BRINP3: variants seen among roughly 807,000 people sequenced by gnomAD.
The protein encoded by BRINP3 is BMP/retinoic acid inducible neural specific 3.
A neutral mutation model predicts 71.0 loss-of-function variants in BRINP3; 19 were observed. The observed-to-expected ratio is 0.27, with a 90% CI of 0.19 to 0.39. BRINP3 has a LOEUF of 0.39. Among genes scored for constraint, BRINP3 ranks in the 10% least tolerant of loss-of-function variants. BRINP3 has a pLI of 1.00. For missense variants in BRINP3, 959 were observed against 940.8 expected (o/e 1.02, Z -0.25); for synonymous variants, 380 against 337.7 (o/e 1.13, Z -1.37).
intron 6 of BRINP3, among the ~76,000 whole-genome samples, chr1:190,173,208 T>C (rs1437386162): frequency 6.6e-6 from 1 of 152,206 alleles, no homozygotes. Context: ...ACACTGATTC[T>C]GTTGTGGATA....
intron 6 of BRINP3, among the ~76,000 whole-genome samples, chr1:190,192,737 C>G (rs1654151590): frequency 6.6e-6 from 1 of 151,866 alleles, no homozygotes; most frequent in African/African-American, 2.4e-5. Flanking sequence ...ACTGTGACAA[C>G]AGGATAAATA....
intron 4 of BRINP3, among the ~76,000 whole-genome samples, chr1:190,262,924 T>C (rs1661316904): frequency 1.3e-5 from 2 of 152,126 alleles, no homozygotes; most frequent in Non-Finnish European, 1.5e-5. Flanking sequence ...TATATATATA[T>C]TTCTTTTTTT....
chr1:190,403,392 T>G (rs1345781803), intron 2 of BRINP3, among the ~76,000 whole-genome samples: 2 of 152,226 alleles, frequency 1.3e-5, no homozygotes, highest in Non-Finnish European at 2.9e-5. Flanking sequence ...TGAAGCAGTT[T>G]GCATAGCCTC....
At chr1:190,273,567 T>C (rs1358466443) in intron 3 of BRINP3, among the ~76,000 whole-genome samples, 1 of 151,434 alleles carries the variant, frequency 6.6e-6, no homozygotes, top group Non-Finnish European at 1.5e-5. Context: ...CAGGGGACAA[T>C]AAAACAAACA....
At position 190,269,151 on chromosome 1, in the gene BRINP3, C is replaced by A. The variant is rs369230882; in HGVS notation, c.428-4096G>T. On this transcript the variant is annotated intron_variant, in intron 3 of 7. Coordinates refer to ENST00000367462, the MANE Select transcript of BRINP3 (RefSeq NM_199051.3). ...AACAGGAAAAATATCCATAAAATAACAAGTACATGTGGAAACTTCGCATGT... is the reference window on the plus strand; with the variant it reads ...AACAGGAAAAATATCCATAAAATAAAAAGTACATGTGGAAACTTCGCATGT... 5.3e-5 allele frequency among the ~76,000 whole-genome samples: 8 copies of A among 151,980 alleles called. No homozygotes were observed. In the East Asian group the frequency reaches 7.7e-4, roughly 15 times the overall value.
intron 6 of BRINP3, among the ~76,000 whole-genome samples, chr1:190,218,164 G>C (rs1656571154): frequency 6.6e-6 from 1 of 151,052 alleles, no homozygotes; most frequent in Non-Finnish European, 1.5e-5. Flanking sequence ...ATACATTTTT[G>C]GTACCAAAAG....
chr1:190,114,526 C>CTGTGTGTGTGTGTGTGTG (rs34766118), intron 7 of BRINP3, among the ~76,000 whole-genome samples: 1 of 143,052 alleles, frequency 7.0e-6, no homozygotes, highest in African/African-American at 2.5e-5. Context: ...AAGTTTGCCA[C>CTGTGTGTGTGTGTGTGTG]TGTGTGTGTG....
chr1:190,199,201 C>G (rs1422684657), intron 6 of BRINP3, among the ~76,000 whole-genome samples: 5 of 152,110 alleles, frequency 3.3e-5, no homozygotes, highest in African/African-American at 7.2e-5. Flanking sequence ...CAATTACCTC[C>G]CACTGGGTCC....
intron 2 of BRINP3, among the ~76,000 whole-genome samples, chr1:190,417,681 T>C (rs888335785): frequency 1.3e-5 from 2 of 152,166 alleles, no homozygotes; most frequent in Non-Finnish European, 2.9e-5. Context: ...TGGGCTTGAA[T>C]AGCAAACAAT....
chr1:190,236,321 T>C (rs1658512628), intron 4 of BRINP3, among the ~76,000 whole-genome samples: 2 of 151,994 alleles, frequency 1.3e-5, no homozygotes, highest in Admixed American at 1.3e-4. Flanking sequence ...TTTGAACATG[T>C]TGACTCTCTT....
intron 2 of BRINP3, among the ~76,000 whole-genome samples, chr1:190,329,865 A>G (rs1011155660): frequency 2.0e-5 from 3 of 151,948 alleles, no homozygotes; most frequent in African/African-American, 2.4e-5. Context: ...ATCTTCAATG[A>G]ACTCATTAAA....
intron 6 of BRINP3, among the ~76,000 whole-genome samples, chr1:190,199,535 T>C (rs980969375): frequency 3.3e-5 from 5 of 151,966 alleles, no homozygotes; most frequent in Admixed American, 1.3e-4. Flanking sequence ...ACCAGAGCAA[T>C]AAGGCTCCAA....
rs569569732 is a variant in BRINP3, at chr1:190,224,734, G to A, written c.961+1348C>T. Among the ~76,000 whole-genome samples the A allele has an allele frequency of 2.0e-5, 3 of 152,030 alleles. No homozygotes were observed. In the East Asian group the frequency reaches 5.8e-4, roughly 29 times the overall value. ...GAAAATATTTACAAACCATTCATCT[G>A]TCCAGGGATTAATAACCAGAATACA... On this transcript the variant is annotated intron_variant, in intron 6 of 7. Coordinates refer to ENST00000367462, the MANE Select transcript of BRINP3 (RefSeq NM_199051.3).
chr1:190,150,979 T>C (rs1656341154), intron 7 of BRINP3, among the ~76,000 whole-genome samples: 1 of 152,014 alleles, frequency 6.6e-6, no homozygotes, highest in Non-Finnish European at 1.5e-5. Context: ...AGAAACCCTG[T>C]CTCTACCAAA....
chr1:190,196,198 C>T (rs1571329909), intron 6 of BRINP3, among the ~76,000 whole-genome samples: 1 of 152,236 alleles, frequency 6.6e-6, no homozygotes, highest in Middle Eastern at 3.4e-3. Context: ...CTTCTTTGTA[C>T]ATTAGATTTA....
chr1:190,315,892 A>G (rs1665844285), intron 2 of BRINP3, among the ~76,000 whole-genome samples: 2 of 152,128 alleles, frequency 1.3e-5, no homozygotes, highest in Admixed American at 6.6e-5. Flanking sequence ...ACACAGGCAA[A>G]CAATACTTCC....
chr1:190,412,414 T>TATATATAC (rs1553314831), intron 2 of BRINP3, among the ~76,000 whole-genome samples: 111 of 141,264 alleles, frequency 7.9e-4, no homozygotes, highest in Non-Finnish European at 1.3e-3. Flanking sequence ...TATATATATA[T>TATATATAC]ACACTTTTTT....
At chr1:190,283,003 A>G (rs987708829) in intron 2 of BRINP3, among the ~76,000 whole-genome samples, 8 of 152,072 alleles carry the variant, frequency 5.3e-5, no homozygotes, top group Non-Finnish European at 1.0e-4. Flanking sequence ...ATAATGAGGA[A>G]CAGTGTACAT....
chr1:190,437,878 A>G (rs1180255862), intron 2 of BRINP3, among the ~76,000 whole-genome samples: 2 of 151,782 alleles, frequency 1.3e-5, no homozygotes, highest in Non-Finnish European at 3.0e-5. Context: ...TAAGGAGTTA[A>G]TATTTCAAAA....
Sources: gnomAD v4.1 joint callset for allele counts (sites outside exome capture counted in the v4.1 genomes callset) on GRCh38, gnomAD v4.1.1 for gene constraint, MANE v1.5 for transcripts, NCBI Gene and HGNC (gene_info 2026-07-23, HGNC 2026-07-21) for gene names.